The following EPHA6 variants were observed in gnomAD, a reference collection of about 807,000 sequenced individuals.
EPHA6 encodes the protein EPH receptor A6, also known as ephrin type-A receptor 6.
In EPHA6, 50 loss-of-function variants were observed where a neutral mutation model predicts 112.0. The ratio of observed to expected loss-of-function variants is 0.45; its 90% CI spans 0.36 to 0.56. The LOEUF is 0.56. Among genes scored for constraint, EPHA6 ranks in the 20% least tolerant of loss-of-function variants. The pLI is 0.00. For synonymous variants in EPHA6, 529 were observed against 490.7 expected (o/e 1.08, Z -1.03); for missense variants, 1,280 against 1,417.4 (o/e 0.90, Z 1.56).
intron 2 of EPHA6, among the ~76,000 whole-genome samples, chr3:96,903,629 T>C (rs145044567): frequency 1.3e-5 from 2 of 152,138 alleles, no homozygotes; most frequent in Non-Finnish European, 2.9e-5. Flanking sequence ...ATTTTAATAA[T>C]TTTTTAAACA....
intron 11 of EPHA6, among the ~76,000 whole-genome samples, chr3:97,579,569 C>T (rs1048211117): frequency 6.6e-6 from 1 of 152,160 alleles, no homozygotes; most frequent in African/African-American, 2.4e-5. Flanking sequence ...TCCATTGACC[C>T]TACCTTATTG....
At chr3:97,310,968 G>A (rs1195313566) in intron 5 of EPHA6, among the ~76,000 whole-genome samples, 1 of 151,452 alleles carries the variant, frequency 6.6e-6, no homozygotes, top group East Asian at 1.9e-4. Flanking sequence ...CAAACAGTAG[G>A]TACCTAGCTA....
At chr3:97,547,496 A>G (rs1034400128) in intron 11 of EPHA6, among the ~76,000 whole-genome samples, 1 of 152,104 alleles carries the variant, frequency 6.6e-6, no homozygotes, top group Non-Finnish European at 1.5e-5. Flanking sequence ...CCTCCCAGTT[A>G]GGCTACTTGG....
chr3:97,411,002 C>G (rs1190400143), intron 6 of EPHA6, among the ~76,000 whole-genome samples: 1 of 151,156 alleles, frequency 6.6e-6, no homozygotes, highest in Non-Finnish European at 1.5e-5. Context: ...AGTAAAGGAC[C>G]AAGTCAATTT....
chr3:97,545,920 A>C (rs1403251025), intron 11 of EPHA6, among the ~76,000 whole-genome samples: 1 of 152,102 alleles, frequency 6.6e-6, no homozygotes, highest in African/African-American at 2.4e-5. Context: ...TTTGCTTGGT[A>C]GATCTTCCTC....
At chr3:97,082,719 G>A (rs945855436) in intron 3 of EPHA6, among the ~76,000 whole-genome samples, 13 of 151,838 alleles carry the variant, frequency 8.6e-5, no homozygotes, top group African/African-American at 2.7e-4. Context: ...TGTAACACCT[G>A]TAAAATAAAA....
intron 14 of EPHA6, among the ~76,000 whole-genome samples, chr3:97,699,998 A>G (rs905053742): frequency 5.3e-5 from 8 of 152,212 alleles, no homozygotes. Context: ...GAAGTACAAA[A>G]CCAGGGCAAC....
intron 11 of EPHA6, among the ~76,000 whole-genome samples, chr3:97,555,361 G>A (rs2093091007): frequency 6.6e-6 from 1 of 151,984 alleles, no homozygotes; most frequent in Non-Finnish European, 1.5e-5. Flanking sequence ...CTAAGTCTTT[G>A]CTATTGTGAA....
At position 97,510,933 on chromosome 3, in the gene EPHA6, G is replaced by C. The variant is rs190077527; in HGVS notation, c.2201-21425G>C. On this transcript the variant is annotated intron_variant, in intron 10 of 17. Transcript: ENST00000389672. ...GGCAGTCTGGCTACAGCAGCTTTGC[G>C]GAGTTGTGGTGGGCTCCGCCCAGTT... Among the ~76,000 whole-genome samples, 190 of 152,338 alleles carry C rather than the reference G, an allele frequency of 1.2e-3. 2 individuals are homozygous for C. The highest frequency in any genetic ancestry group is 4.4e-3 in the African/African-American group (182 of 41,588).
intron 14 of EPHA6, among the ~76,000 whole-genome samples, chr3:97,716,574 C>CAAAAAA (rs1218426459): frequency 1.6e-3 from 60 of 36,988 alleles, no homozygotes; most frequent in South Asian, 4.5e-3. Context: ...GACTCCGTCT[C>CAAAAAA]AAAAAAAAAA....
chr3:96,997,534 A>T (rs1191901308), intron 3 of EPHA6, among the ~76,000 whole-genome samples: 1 of 151,912 alleles, frequency 6.6e-6, no homozygotes, highest in African/African-American at 2.4e-5. Context: ...GGAGACAGAG[A>T]GAGAAGGGAG....
rs527492688 is a variant in EPHA6, at chr3:97,750,165, A to G, written c.*1464A>G. Among the ~76,000 whole-genome samples, 8 of 152,246 alleles carry G rather than the reference A, an allele frequency of 5.3e-5. No homozygotes were observed. The South Asian group carries it at 1.7e-3, about 32-fold the overall frequency. On this transcript the variant is annotated 3_prime_UTR_variant, in exon 18 of 18. Coordinates refer to ENST00000389672, the MANE Select transcript of EPHA6 (RefSeq NM_001080448.3). The stretch of plus-strand genomic sequence containing the variant: ...GAAAGAGTAAGTAAAATGTGTTGAG[A>G]GAAAAAAACAGAGTAGGTTGTCTAA...
chr3:97,305,191 A>T (rs2081265994), intron 5 of EPHA6, among the ~76,000 whole-genome samples: 1 of 152,102 alleles, frequency 6.6e-6, no homozygotes, highest in South Asian at 2.1e-4. Flanking sequence ...ATACCATCTC[A>T]TGCCAGTCAG....
intron 14 of EPHA6, among the ~76,000 whole-genome samples, chr3:97,640,850 T>A: frequency 6.6e-6 from 1 of 152,130 alleles, no homozygotes; most frequent in Middle Eastern, 3.4e-3. Flanking sequence ...ACAGGAGGAC[T>A]AGTAGCAGAC....
chr3:97,209,951 A>G (rs1312564955), intron 3 of EPHA6, among the ~76,000 whole-genome samples: 1 of 152,216 alleles, frequency 6.6e-6, no homozygotes, highest in Non-Finnish European at 1.5e-5. Context: ...GTGACCACAT[A>G]AAACATTTTA....
intron 9 of EPHA6, 137 bp downstream of exon 9, chr3:97,479,501 T>C: frequency 2.0e-6 from 1 of 509,250 alleles, no homozygotes; most frequent in Non-Finnish European, 3.2e-6. Flanking sequence ...AGAATTTTCA[T>C]CTGGTTTCCA....
intron 12 of EPHA6, among the ~76,000 whole-genome samples, chr3:97,606,476 T>C (rs2093680922): frequency 6.6e-6 from 1 of 151,260 alleles, no homozygotes; most frequent in Non-Finnish European, 1.5e-5. Context: ...AGGAGTCCAA[T>C]GTCACAAAAG....
Position 96,866,939 on chromosome 3 carries a change from C to A in EPHA6, c.450+50C>A, listed in dbSNP as rs550837122. On this transcript the variant is annotated intron_variant, in intron 2 of 17. Coordinates refer to ENST00000389672, the MANE Select transcript of EPHA6 (RefSeq NM_001080448.3). Reference sequence around the variant, plus strand: ...GCTGTCTTTTTTAGATTTTTAAGATCTCCTAATAGTTGATGGAACAGTGAA... The same window carrying A: ...GCTGTCTTTTTTAGATTTTTAAGATATCCTAATAGTTGATGGAACAGTGAA... 188 of 1,093,364 alleles carry A rather than the reference C, an allele frequency of 1.7e-4. 2 individuals carry two copies. In the East Asian group the frequency reaches 2.1e-3, roughly 12 times the overall value. 67.7% of individuals were successfully genotyped at this position (1,093,364 alleles called of 1,614,324 possible).
intron 3 of EPHA6, among the ~76,000 whole-genome samples, chr3:97,195,227 T>G (rs1314004805): frequency 2.5e-5 from 3 of 117,724 alleles, no homozygotes; most frequent in African/African-American, 1.8e-4. Context: ...TTACTTTTTG[T>G]GTAACTGTTG....
Sources: gnomAD v4.1 joint callset for allele counts (sites outside exome capture counted in the v4.1 genomes callset) on GRCh38, gnomAD v4.1.1 for gene constraint, MANE v1.5 for transcripts, NCBI Gene and HGNC (gene_info 2026-07-23, HGNC 2026-07-21) for gene names.